DPH6: variants seen among roughly 807,000 people sequenced by gnomAD.
DPH6 encodes the protein diphthamine biosynthesis 6.
DPH6 carries 33 observed loss-of-function variants against 38.2 expected under a neutral mutation model. The observed-to-expected ratio is 0.86, with a 90% confidence interval of 0.65 to 1.15. DPH6 has a LOEUF of 1.15. DPH6 is among the 50% of genes most tolerant of loss of function. The pLI is 0.00. For missense variants in DPH6, 325 were observed against 320.0 expected, an observed-to-expected ratio of 1.02 and a Z score of -0.12; for synonymous variants, 108 against 103.0, an observed-to-expected ratio of 1.05 and a Z score of -0.30.
At chr15:35,436,366 T>A (rs1030908898) in intron 5 of DPH6, among the ~76,000 whole-genome samples, 1 of 151,780 alleles carries the variant, frequency 6.6e-6, no homozygotes, top group Non-Finnish European at 1.5e-5. Flanking sequence ...CTCGGGAGGC[T>A]GAGGCAGGAG....
intron 3 of DPH6, among the ~76,000 whole-genome samples, chr15:35,511,119 A>G (rs2054763774): frequency 6.6e-6 from 1 of 152,172 alleles, no homozygotes; most frequent in Non-Finnish European, 1.5e-5. Context: ...CAACTATATC[A>G]GAACCTGAAT....
chr15:35,541,618 G>C (rs1204067612), intron 2 of DPH6, among the ~76,000 whole-genome samples: 3 of 152,044 alleles, frequency 2.0e-5, no homozygotes, highest in Non-Finnish European at 4.4e-5. Flanking sequence ...AGAAGTAAAA[G>C]AGAGAATAAA....
At chr15:35,474,043 G>A (rs2054234872) in intron 3 of DPH6, among the ~76,000 whole-genome samples, 1 of 151,656 alleles carries the variant, frequency 6.6e-6, no homozygotes, top group South Asian at 2.1e-4. Context: ...GGTTGGAGGG[G>A]GAAGGAAACT....
At chr15:35,255,992 ATTTG>A (rs898506581) in intron 3 of DPH6, among the ~76,000 whole-genome samples, 29 of 151,980 alleles carry the variant, frequency 1.9e-4, no homozygotes, top group African/African-American at 6.8e-4. Flanking sequence ...TAATATACAT[ATTTG>A]TTTGAATATA....
chr15:35,487,394 A>T (rs1362931690), intron 3 of DPH6, among the ~76,000 whole-genome samples: 1 of 152,206 alleles, frequency 6.6e-6, no homozygotes, highest in East Asian at 1.9e-4. Flanking sequence ...ATCCTTTGAA[A>T]TCTAGGTGGA....
At chr15:35,346,291 CTCTTG>C (rs1028862921) in intron 3 of DPH6, among the ~76,000 whole-genome samples, 4 of 151,942 alleles carry the variant, frequency 2.6e-5, no homozygotes, top group African/African-American at 9.7e-5. Flanking sequence ...AAGTCATCTA[CTCTTG>C]GAAGTGTGTG....
intron 3 of DPH6, chr15:35,521,337 T>C: frequency 9.9e-7 from 1 of 1,009,264 alleles, no homozygotes; most frequent in Non-Finnish European, 1.2e-6. Context: ...TTTTAATGAA[T>C]GTTGAATGTA....
At chr15:35,162,589 T>C in the DPH6 span, among the ~76,000 whole-genome samples, 1 of 151,996 alleles carries the variant, frequency 6.6e-6, no homozygotes, top group Non-Finnish European at 1.5e-5. Context: ...TTCTTGAACA[T>C]TTTATCTAAA....
At chr15:35,152,881 A>G in the DPH6 span, among the ~76,000 whole-genome samples, 7 of 152,178 alleles carry the variant, frequency 4.6e-5, no homozygotes, top group African/African-American at 1.7e-4. Flanking sequence ...ATATAATTTT[A>G]TTCTAGAAGG....
chr15:35,233,079 G>C (rs868443166), intron 3 of DPH6, among the ~76,000 whole-genome samples: 6 of 152,142 alleles, frequency 3.9e-5, no homozygotes, highest in East Asian at 3.8e-4. Context: ...AGGCTGCGGT[G>C]GGGGGATCAC....
At chr15:35,411,509 C>T (rs1023882588) in intron 5 of DPH6, among the ~76,000 whole-genome samples, 1 of 151,346 alleles carries the variant, frequency 6.6e-6, no homozygotes, top group African/African-American at 2.4e-5. Context: ...GTGCCAATAG[C>T]GTGTGCGTAA....
chr15:35,370,615 A>C (rs925535375), downstream of DPH6, among the ~76,000 whole-genome samples: 2 of 151,788 alleles, frequency 1.3e-5, no homozygotes. Flanking sequence ...AGGTAGTTGC[A>C]AACTAAAACA....
intron 3 of DPH6, among the ~76,000 whole-genome samples, chr15:35,258,088 T>G (rs993883721): frequency 1.3e-5 from 2 of 152,178 alleles, no homozygotes; most frequent in Non-Finnish European, 2.9e-5. Flanking sequence ...AGCCCAATAC[T>G]GGACCAACCC....
chr15:35,176,356 A>T, the DPH6 span, among the ~76,000 whole-genome samples: 1 of 152,262 alleles, frequency 6.6e-6, no homozygotes, highest in Non-Finnish European at 1.5e-5. Flanking sequence ...ATAATGGAAG[A>T]AAAGGAAGAA....
At chr15:35,284,429 T>A (rs1380043763) in intron 3 of DPH6, among the ~76,000 whole-genome samples, 2 of 152,080 alleles carry the variant, frequency 1.3e-5, no homozygotes, top group Admixed American at 6.6e-5. Flanking sequence ...CGTGTCTACA[T>A]TACGGACTAA....
At chr15:35,542,342 C>A in intron 2 of DPH6, 71 bp downstream of exon 2, 1 of 1,272,776 alleles carries the variant, frequency 7.9e-7, no homozygotes, top group Non-Finnish European at 1.1e-6. Context: ...GTACGGTATA[C>A]CTGTACAATG....
At chr15:35,315,035 C>T (rs1051737717) in intron 3 of DPH6, among the ~76,000 whole-genome samples, 4 of 152,166 alleles carry the variant, frequency 2.6e-5, no homozygotes, top group Admixed American at 6.5e-5. Context: ...ACATCTGAGA[C>T]GTATGCTCAG....
intron 2 of DPH6, among the ~76,000 whole-genome samples, chr15:35,540,376 C>T (rs1595455754): frequency 6.6e-6 from 1 of 152,084 alleles, no homozygotes; most frequent in Non-Finnish European, 1.5e-5. Flanking sequence ...CCTTTTCACA[C>T]CACCCATTGA....
chr15:35,364,945 T>C (rs1190055035), intron 3 of DPH6, among the ~76,000 whole-genome samples: 2 of 152,072 alleles, frequency 1.3e-5, no homozygotes, highest in African/African-American at 4.8e-5. Flanking sequence ...TTAATTCTTT[T>C]ATGTGTATTT....
Sources: gnomAD v4.1 joint callset for allele counts (sites outside exome capture counted in the v4.1 genomes callset) on GRCh38, gnomAD v4.1.1 for gene constraint, MANE v1.5 for transcripts, NCBI Gene and HGNC (gene_info 2026-07-23, HGNC 2026-07-21) for gene names.